NRXN1: variants seen among roughly 807,000 people sequenced by gnomAD.
The protein encoded by NRXN1 is neurexin 1.
A neutral mutation model predicts 150.9 loss-of-function variants in NRXN1; 39 were observed. The ratio of observed to expected loss-of-function variants is 0.26; its 90% CI spans 0.20 to 0.34. The LOEUF (loss-of-function observed/expected upper bound fraction) is 0.34. NRXN1 is among the 10% of genes least tolerant of loss of function. The pLI is 1.00. For synonymous variants in NRXN1, 924 were observed against 757.0 expected (o/e 1.22, Z -3.62); for missense variants, 1,815 against 1,949.9 (o/e 0.93, Z 1.30).
At chr2:50,391,302 C>A (rs1193847753) in intron 17 of NRXN1, among the ~76,000 whole-genome samples, 2 of 151,672 alleles carry the variant, frequency 1.3e-5, no homozygotes, top group African/African-American at 2.4e-5. Flanking sequence ...CCTGAGTTGA[C>A]TGTGCATTAA....
intron 12 of NRXN1, among the ~76,000 whole-genome samples, chr2:50,523,093 A>G (rs140895291): frequency 1.1e-3 from 162 of 152,064 alleles, no homozygotes; most frequent in African/African-American, 3.8e-3. Flanking sequence ...GCCTGTTTTT[A>G]TTTGTTTTCT....
intron 21 of NRXN1, among the ~76,000 whole-genome samples, chr2:50,006,565 C>G (rs114639220): frequency 0.012 from 1,765 of 152,228 alleles, 38 homozygotes; most frequent in African/African-American, 0.04. Flanking sequence ...ATTCCCTGAC[C>G]TGATGTATGA....
chr2:50,195,936 C>T (rs1239939045), intron 18 of NRXN1, among the ~76,000 whole-genome samples: 2 of 151,528 alleles, frequency 1.3e-5, no homozygotes, highest in Non-Finnish European at 2.9e-5. Flanking sequence ...CCTTGGATGG[C>T]CTTTCTTTTT....
intron 5 of NRXN1, among the ~76,000 whole-genome samples, chr2:50,709,572 G>A (rs940387581): frequency 6.6e-6 from 1 of 152,024 alleles, no homozygotes; most frequent in African/African-American, 2.4e-5. Flanking sequence ...GTACCCACAG[G>A]ATAACAGGCA....
In NRXN1 at chr2:50,662,930, C is replaced by A. The variant is rs537040249; in HGVS notation, c.833-39315G>T. On this transcript the variant is annotated intron_variant, in intron 5 of 22. Coordinates refer to ENST00000401669, the MANE Select transcript of NRXN1 (RefSeq NM_001330078.2). The stretch of plus-strand genomic sequence containing the variant: ...ATCATTGATTCTTAGACTCTACCCC[C>A]AGTGATTCTCATTTATTTGACCTGG... Among the ~76,000 whole-genome samples, 3 of 152,108 alleles carry A rather than the reference C, an allele frequency of 2.0e-5. No individual in the cohort carries two copies. The South Asian group carries it at 6.2e-4, about 32-fold the overall frequency.
At chr2:50,140,150 A>G (rs905794192) in intron 18 of NRXN1, among the ~76,000 whole-genome samples, 6 of 152,178 alleles carry the variant, frequency 3.9e-5, no homozygotes, top group African/African-American at 1.4e-4. Context: ...ACAGCATGAA[A>G]GATTGCTTTG....
chr2:50,606,170 A>G, intron 8 of NRXN1, among the ~76,000 whole-genome samples: 1 of 147,996 alleles, frequency 6.8e-6, no homozygotes, highest in Non-Finnish European at 1.5e-5. Flanking sequence ...GAATGGTTGA[A>G]CCCGGGAGGT....
chr2:50,702,146 G>T (rs1693828583), intron 5 of NRXN1, among the ~76,000 whole-genome samples: 1 of 152,078 alleles, frequency 6.6e-6, no homozygotes, highest in African/African-American at 2.4e-5. Flanking sequence ...AGGATTATTA[G>T]ATATTCTTAG....
At chr2:50,333,212 A>G (rs761174107) in intron 17 of NRXN1, among the ~76,000 whole-genome samples, 2 of 152,152 alleles carry the variant, frequency 1.3e-5, no homozygotes, top group Non-Finnish European at 2.9e-5. Flanking sequence ...GCAGCCCTGG[A>G]GCCTTCAAAC....
chr2:50,389,736 A>T (rs1030647278), intron 17 of NRXN1, among the ~76,000 whole-genome samples: 2 of 152,142 alleles, frequency 1.3e-5, no homozygotes, highest in Admixed American at 6.5e-5. Context: ...ACTTAATTTC[A>T]TTTAGCTGAC....
intron 17 of NRXN1, among the ~76,000 whole-genome samples, chr2:50,417,502 G>C (rs2083630020): frequency 1.3e-5 from 2 of 151,822 alleles, no homozygotes; most frequent in Non-Finnish European, 2.9e-5. Flanking sequence ...CTGATATTCT[G>C]CTTGGTCCTA....
At chr2:50,530,108 C>G (rs762445856) in intron 11 of NRXN1, among the ~76,000 whole-genome samples, 5 of 151,990 alleles carry the variant, frequency 3.3e-5, no homozygotes, top group Admixed American at 2.0e-4. Context: ...TTTCTATATA[C>G]GTGTGTTTAA....
chr2:50,405,493 T>C (rs1414532904), intron 17 of NRXN1, among the ~76,000 whole-genome samples: 2 of 151,986 alleles, frequency 1.3e-5, no homozygotes, highest in Admixed American at 6.6e-5. Context: ...TAGAAAACAA[T>C]GAAAATAAAG....
chr2:50,483,759 C>A (rs922467117), intron 15 of NRXN1, among the ~76,000 whole-genome samples: 1 of 152,168 alleles, frequency 6.6e-6, no homozygotes, highest in Admixed American at 6.5e-5. Context: ...TTACTAAAAC[C>A]CTTCTCAATG....
intron 5 of NRXN1, among the ~76,000 whole-genome samples, chr2:50,915,786 TCA>T (rs1685136427): frequency 1.3e-5 from 2 of 151,248 alleles, no homozygotes; most frequent in African/African-American, 4.8e-5. Context: ...TTCCTTATTG[TCA>T]CCATTAATAA....
At chr2:50,876,501 C>T (rs1678614275) in intron 5 of NRXN1, among the ~76,000 whole-genome samples, 1 of 151,804 alleles carries the variant, frequency 6.6e-6, no homozygotes, top group Non-Finnish European at 1.5e-5. Context: ...GTGAGTCAAG[C>T]CCAGGGCCTG....
chr2:50,820,707 G>GA, intron 5 of NRXN1, among the ~76,000 whole-genome samples: 1 of 152,204 alleles, frequency 6.6e-6, no homozygotes, highest in African/African-American at 2.4e-5. Flanking sequence ...GCAGAACATT[G>GA]TTGTTTTCAG....
chr2:50,617,382 G>A (rs1006718270), intron 8 of NRXN1, among the ~76,000 whole-genome samples: 5 of 151,380 alleles, frequency 3.3e-5, no homozygotes, highest in African/African-American at 7.3e-5. Flanking sequence ...GTTGCAGAGA[G>A]CTGAGATCAT....
intron 18 of NRXN1, among the ~76,000 whole-genome samples, chr2:50,099,096 C>A (rs527508794): frequency 6.6e-6 from 1 of 152,096 alleles, no homozygotes; most frequent in South Asian, 2.1e-4. Flanking sequence ...AGACTATATT[C>A]TGGCAGCGAT....
Sources: gnomAD v4.1 joint callset for allele counts (sites outside exome capture counted in the v4.1 genomes callset) on GRCh38, gnomAD v4.1.1 for gene constraint, MANE v1.5 for transcripts, NCBI Gene and HGNC (gene_info 2026-07-23, HGNC 2026-07-21) for gene names.